EFCAB11: variants seen among roughly 807,000 people sequenced by gnomAD.
EFCAB11 encodes the protein EF-hand calcium binding domain 11.
In EFCAB11, 14 loss-of-function variants were observed where a neutral mutation model predicts 23.0. The ratio of observed to expected loss-of-function variants is 0.61; its 90% CI spans 0.40 to 0.95. The LOEUF is 0.95. Ranked by LOEUF, EFCAB11 falls within the 40% of genes least tolerant of loss-of-function variation. The pLI, the probability that EFCAB11 is intolerant of heterozygous loss-of-function variation, is 0.00. For missense variants in EFCAB11, 198 were observed against 195.8 expected, an observed-to-expected ratio of 1.01 and a Z score of -0.07; for synonymous variants, 65 against 66.6, an observed-to-expected ratio of 0.98 and a Z score of 0.11.
At chr14:89,909,366 C>T (rs1194092628) in intron 5 of EFCAB11, among the ~76,000 whole-genome samples, 2 of 152,076 alleles carry the variant, frequency 1.3e-5, no homozygotes, top group African/African-American at 2.4e-5. Flanking sequence ...TCACCTATGG[C>T]GAGGAGTTTG....
At chr14:89,886,517 C>CAAAAAA (rs762288481) in intron 5 of EFCAB11, among the ~76,000 whole-genome samples, 5 of 14,898 alleles carry the variant, frequency 3.4e-4, no homozygotes, top group South Asian at 4.4e-3. Flanking sequence ...AACTCCGTCT[C>CAAAAAA]AAAAAAAAAA....
chr14:89,947,306 T>C (rs1420343598), intron 3 of EFCAB11, among the ~76,000 whole-genome samples: 5 of 151,590 alleles, frequency 3.3e-5, no homozygotes, highest in Admixed American at 1.3e-4. Flanking sequence ...ACACAATAGG[T>C]CTCCTTCCCT....
chr14:89,817,287 G>T (rs924756612), intron 5 of EFCAB11, among the ~76,000 whole-genome samples: 6 of 152,036 alleles, frequency 3.9e-5, no homozygotes, highest in Non-Finnish European at 5.9e-5. Flanking sequence ...AGGCCAAGGG[G>T]GGAGAACCAC....
intron 5 of EFCAB11, among the ~76,000 whole-genome samples, chr14:89,871,815 C>T (rs188322857): frequency 1.3e-5 from 2 of 152,344 alleles, no homozygotes; most frequent in African/African-American, 2.4e-5. Flanking sequence ...TGCTAATGTA[C>T]TGACATCGTA....
At chr14:89,927,071 A>G (rs898119936) in intron 5 of EFCAB11, among the ~76,000 whole-genome samples, 1 of 149,002 alleles carries the variant, frequency 6.7e-6, no homozygotes, top group Non-Finnish European at 1.5e-5. Flanking sequence ...TTACAAAATT[A>G]TTTTACATTT....
chr14:89,876,970 C>T (rs548935221), intron 5 of EFCAB11, among the ~76,000 whole-genome samples: 4 of 152,220 alleles, frequency 2.6e-5, no homozygotes, highest in Admixed American at 2.6e-4. Context: ...TCTCGTAAGG[C>T]TAGGATAGGT....
At chr14:89,804,192 G>GA (rs1297819164) in intron 5 of EFCAB11, among the ~76,000 whole-genome samples, 3 of 152,260 alleles carry the variant, frequency 2.0e-5, no homozygotes, top group Non-Finnish European at 4.4e-5. Flanking sequence ...GTGGAAGCAT[G>GA]AAAAGGAGTG....
At chr14:89,846,084 A>C (rs1887422143) in intron 5 of EFCAB11, among the ~76,000 whole-genome samples, 2 of 152,326 alleles carry the variant, frequency 1.3e-5, no homozygotes, top group Non-Finnish European at 2.9e-5. Flanking sequence ...TAGACACAGA[A>C]AGTGCACCTA....
At chr14:89,871,822 C>T (rs181070822) in intron 5 of EFCAB11, among the ~76,000 whole-genome samples, 20 of 152,322 alleles carry the variant, frequency 1.3e-4, no homozygotes, top group Non-Finnish European at 2.4e-4. Flanking sequence ...GTACTGACAT[C>T]GTACAATCTG....
chr14:89,859,007 G>A (rs1347055784), intron 5 of EFCAB11, among the ~76,000 whole-genome samples: 1 of 152,078 alleles, frequency 6.6e-6, no homozygotes, highest in Non-Finnish European at 1.5e-5. Context: ...AAGAGTGGTG[G>A]ATTGTCACTT....
At chr14:89,895,312 G>A (rs1316638412) in intron 5 of EFCAB11, among the ~76,000 whole-genome samples, 1 of 152,206 alleles carries the variant, frequency 6.6e-6, no homozygotes, top group African/African-American at 2.4e-5. Context: ...TAAAGTCAAT[G>A]TTAATCGAAA....
intron 5 of EFCAB11, among the ~76,000 whole-genome samples, chr14:89,816,885 T>G (rs1886352924): frequency 6.6e-6 from 1 of 152,120 alleles, no homozygotes; most frequent in Non-Finnish European, 1.5e-5. Flanking sequence ...AATAATAACA[T>G]TGCTTTTCAA....
intron 5 of EFCAB11, among the ~76,000 whole-genome samples, chr14:89,804,386 G>A (rs1045636800): frequency 2.0e-5 from 3 of 152,226 alleles, no homozygotes; most frequent in African/African-American, 7.2e-5. Context: ...CTGTTGTGAA[G>A]ACTGCATCCT....
chr14:89,938,410 A>G (rs1890668154), intron 3 of EFCAB11, among the ~76,000 whole-genome samples: 2 of 152,172 alleles, frequency 1.3e-5, no homozygotes, highest in African/African-American at 4.8e-5. Context: ...ATGACAGTGA[A>G]GGGGTGGGAG....
At chr14:89,900,045 C>CTCT (rs1376064676) in intron 5 of EFCAB11, among the ~76,000 whole-genome samples, 1 of 152,110 alleles carries the variant, frequency 6.6e-6, no homozygotes, top group Non-Finnish European at 1.5e-5. Flanking sequence ...ATCTATTACT[C>CTCT]TCTTGCACTT....
chr14:89,816,138 T>G (rs1886330789), intron 5 of EFCAB11, among the ~76,000 whole-genome samples: 1 of 152,204 alleles, frequency 6.6e-6, no homozygotes, highest in Non-Finnish European at 1.5e-5. Flanking sequence ...TTATATTTTT[T>G]TTGGTAGCTA....
At chr14:89,889,809 C>T (rs1410779135) in intron 5 of EFCAB11, among the ~76,000 whole-genome samples, 1 of 152,224 alleles carries the variant, frequency 6.6e-6, no homozygotes, top group Non-Finnish European at 1.5e-5. Context: ...TTGGTCACAG[C>T]TTACTATTGG....
chr14:89,875,512 C>T (rs975253267), intron 5 of EFCAB11, among the ~76,000 whole-genome samples: 4 of 152,022 alleles, frequency 2.6e-5, no homozygotes, highest in South Asian at 2.1e-4. Flanking sequence ...GGGTGGTAGA[C>T]GAGACAGAAT....
chr14:89,927,641 A>G (rs1890236594), intron 5 of EFCAB11, among the ~76,000 whole-genome samples: 1 of 152,186 alleles, frequency 6.6e-6, no homozygotes, highest in Non-Finnish European at 1.5e-5. Flanking sequence ...GATATGTTAG[A>G]CATCTCTGTT....
Sources: allele counts gnomAD v4.1 joint callset (sites outside exome capture counted in the v4.1 genomes callset), GRCh38; gene constraint gnomAD v4.1.1; transcripts MANE v1.5; gene names NCBI Gene and HGNC (gene_info 2026-07-23, HGNC 2026-07-21).